The following EPB41L4B variants were observed in gnomAD, a reference collection of about 807,000 sequenced individuals.
EPB41L4B encodes band 4.1-like protein 4B.
In EPB41L4B, 30 loss-of-function variants were observed where a neutral mutation model predicts 112.5. The ratio of observed to expected loss-of-function variants is 0.27; its 90% CI spans 0.20 to 0.36. The LOEUF is 0.36. Ranked by LOEUF, EPB41L4B falls within the 10% of genes least tolerant of loss-of-function variation. The pLI, the probability that EPB41L4B is intolerant of heterozygous loss-of-function variation, is 1.00. For synonymous variants in EPB41L4B, 408 were observed against 439.7 expected (o/e 0.93, Z 0.90); for missense variants, 1,024 against 1,133.3 (o/e 0.90, Z 1.38).
At chr9:109,275,161 G>C (rs1336555743) in intron 2 of EPB41L4B, among the ~76,000 whole-genome samples, 1 of 152,200 alleles carries the variant, frequency 6.6e-6, no homozygotes, top group Non-Finnish European at 1.5e-5. Context: ...AGTTGCTTCA[G>C]GGCTGGGCAG....
chr9:109,175,169 G>A (rs544903570), intron 25 of EPB41L4B, among the ~76,000 whole-genome samples: 5 of 151,700 alleles, frequency 3.3e-5, no homozygotes, highest in African/African-American at 4.8e-5. Context: ...CACTTGCCTC[G>A]ACCTCCCAAA....
intron 18 of EPB41L4B, among the ~76,000 whole-genome samples, chr9:109,207,406 TA>T (rs946502250): frequency 6.6e-6 from 1 of 151,694 alleles, no homozygotes; most frequent in African/African-American, 2.4e-5. Context: ...CCTGTCTCTA[TA>T]AAAAAAATAC....
At chr9:109,222,096 A>G (rs1833594129) in intron 15 of EPB41L4B, among the ~76,000 whole-genome samples, 1 of 152,232 alleles carries the variant, frequency 6.6e-6, no homozygotes, top group African/African-American at 2.4e-5. Flanking sequence ...CCCAGAGTAA[A>G]GAGTTAAACA....
At chr9:109,291,877 G>A (rs914682163) in intron 1 of EPB41L4B, among the ~76,000 whole-genome samples, 1 of 152,134 alleles carries the variant, frequency 6.6e-6, no homozygotes, top group Admixed American at 6.5e-5. Context: ...TTCGACTCAC[G>A]GAGGGATCAA....
chr9:109,280,782 A>G (rs1280591150), intron 1 of EPB41L4B, among the ~76,000 whole-genome samples: 1 of 152,030 alleles, frequency 6.6e-6, no homozygotes, highest in Non-Finnish European at 1.5e-5. Flanking sequence ...AATATGCTTA[A>G]ATCTAAGTGC....
chr9:109,217,940 C>T (rs1833434590), intron 15 of EPB41L4B, among the ~76,000 whole-genome samples: 1 of 151,662 alleles, frequency 6.6e-6, no homozygotes, highest in African/African-American at 2.4e-5. Flanking sequence ...CTAGGATTGC[C>T]CCATTTGAAG....
intron 19 of EPB41L4B, among the ~76,000 whole-genome samples, chr9:109,200,783 A>ATTT: frequency 6.9e-6 from 1 of 144,202 alleles, no homozygotes; most frequent in South Asian, 2.1e-4. Context: ...TTTTTTTTTA[A>ATTT]AAAAAGATAA....
intron 20 of EPB41L4B, among the ~76,000 whole-genome samples, chr9:109,197,688 C>T (rs1039650321): frequency 2.8e-4 from 42 of 151,966 alleles, no homozygotes; most frequent in Admixed American, 2.6e-3. Context: ...GGCATGGTGT[C>T]ATGTGCCTGT....
In EPB41L4B at chr9:109,192,489, T is replaced by C. The variant is rs1181066218; in HGVS notation, c.2224-134A>G. ...TTAGCAATGACAATCCCCTTGTATTTCCCTCACCAAGTAGTGTACAAAATG... is the reference window on the plus strand; with the variant it reads ...TTAGCAATGACAATCCCCTTGTATTCCCCTCACCAAGTAGTGTACAAAATG... On this transcript the variant is annotated intron_variant, in intron 21 of 25. Coordinates refer to ENST00000374566, the MANE Select transcript of EPB41L4B (RefSeq NM_019114.5). 7 of 560,072 alleles carry C rather than the reference T, an allele frequency of 1.2e-5. No homozygotes were observed. The African/African-American group carries it at 1.3e-4, about 11-fold the overall frequency. 34.7% of individuals were successfully genotyped at this position (560,072 alleles called of 1,614,324 possible).
chr9:109,274,427 A>G (rs1302247910), intron 2 of EPB41L4B, among the ~76,000 whole-genome samples: 1 of 152,160 alleles, frequency 6.6e-6, no homozygotes, highest in Non-Finnish European at 1.5e-5. Flanking sequence ...TATCAGTAAT[A>G]CGTAGACAGT....
chr9:109,279,917 T>C lies in EPB41L4B; in HGVS notation c.311A>G (p.His104Arg), dbSNP rs1312308746. The change falls in exon 2 of 26, where the codon CAT becomes CGT. Residue 104 changes from histidine to arginine, a missense_variant. Coordinates refer to ENST00000374566, the MANE Select transcript of EPB41L4B (RefSeq NM_019114.5). Reference sequence around the variant, plus strand: ...ATCAAACAAATCCTGGCCTTTGGCATGTTTCTGGAAGACAATTGGGAAGAT... The same window carrying C: ...ATCAAACAAATCCTGGCCTTTGGCACGTTTCTGGAAGACAATTGGGAAGAT... ...GTEVSVDLPKHAKGQDLFDQI... is the reference protein window; with the variant it reads ...GTEVSVDLPKRAKGQDLFDQI... The C allele has an allele frequency of 1.2e-6, 2 of 1,613,448 alleles. No homozygotes were observed. Among genetic ancestry groups the C allele is most frequent in the Non-Finnish European group, 1.7e-6 (2 of 1,179,774 alleles).
chr9:109,274,451 C>T (rs182104415), intron 2 of EPB41L4B, among the ~76,000 whole-genome samples: 8 of 152,242 alleles, frequency 5.3e-5, no homozygotes, highest in Admixed American at 5.2e-4. Context: ...TCCTCCAGAC[C>T]CACAGAGGGA....
intron 7 of EPB41L4B, among the ~76,000 whole-genome samples, chr9:109,257,657 A>G (rs771447974): frequency 3.4e-4 from 51 of 152,236 alleles, no homozygotes; most frequent in Middle Eastern, 3.4e-3. Context: ...CTCTGTTTGC[A>G]GAGAGAGAAA....
intron 19 of EPB41L4B, among the ~76,000 whole-genome samples, chr9:109,202,078 G>A (rs1461613594): frequency 6.6e-6 from 1 of 152,114 alleles, no homozygotes; most frequent in African/African-American, 2.4e-5. Flanking sequence ...CCAGGACTTG[G>A]TGACCAATTA....
intron 6 of EPB41L4B, among the ~76,000 whole-genome samples, chr9:109,262,083 C>T (rs1024101448): frequency 6.6e-6 from 1 of 152,188 alleles, no homozygotes; most frequent in Non-Finnish European, 1.5e-5. Context: ...TCCGAAACTA[C>T]ACACCACCAG....
At chr9:109,262,525 C>T (rs1835250651) in intron 6 of EPB41L4B, among the ~76,000 whole-genome samples, 1 of 151,790 alleles carries the variant, frequency 6.6e-6, no homozygotes, top group Non-Finnish European at 1.5e-5. Context: ...ATTACAGCAG[C>T]ACCTCCTCAC....
At chr9:109,188,335 C>G (rs1431148141) in intron 22 of EPB41L4B, among the ~76,000 whole-genome samples, 1 of 152,152 alleles carries the variant, frequency 6.6e-6, no homozygotes, top group African/African-American at 2.4e-5. Context: ...GCAGCAAGAA[C>G]CAGCCCTGCC....
Position 109,265,551 on chromosome 9 carries a change from A to AACAC in EPB41L4B, c.534-531_534-528dup, listed in dbSNP as rs10631824. Among the ~76,000 whole-genome samples the AACAC allele has an allele frequency of 7.8e-3, 1,168 of 150,050 alleles. 14 individuals carry two copies. The highest frequency in any genetic ancestry group is 0.037 in the East Asian group (192 of 5,134). ...AAACACAAAACAGGCACAGCACACA[A>AACAC]ACACACACACACACACACACGAAAC... On this transcript the variant is annotated intron_variant, in intron 4 of 25. Coordinates refer to ENST00000374566, the MANE Select transcript of EPB41L4B (RefSeq NM_019114.5).
At position 109,282,583 on chromosome 9, in the gene EPB41L4B, C is replaced by T. The variant is rs552811263; in HGVS notation, c.307-2662G>A. ...AACATCACAACAGGAGACAACCAGA[C>T]ATTACGTACCTCCTGATAAGAACAC... On this transcript the variant is annotated intron_variant, in intron 1 of 25. Transcript: ENST00000374566. 3.9e-5 allele frequency among the ~76,000 whole-genome samples: 6 copies of T among 152,310 alleles called. No homozygotes were observed. The East Asian group carries it at 1.2e-3, about 29-fold the overall frequency.
Sources: allele counts gnomAD v4.1 joint callset (sites outside exome capture counted in the v4.1 genomes callset), GRCh38; gene constraint gnomAD v4.1.1; transcripts MANE v1.5; gene names NCBI Gene and HGNC (gene_info 2026-07-23, HGNC 2026-07-21).